Variants in FBXO25 observed in about 807,000 individuals in gnomAD.
FBXO25 encodes the protein F-box only protein 25.
Under a neutral mutation model 51.9 loss-of-function variants are expected in FBXO25, and 45 were observed. The observed-to-expected ratio is 0.87, with a 90% CI of 0.68 to 1.11. FBXO25 has a LOEUF of 1.11. Among genes scored for constraint, FBXO25 ranks in the 50% most tolerant of loss-of-function variants. The pLI is 0.00. For synonymous variants in FBXO25, 199 were observed against 151.0 expected, an observed-to-expected ratio of 1.32 and a Z score of -2.33; for missense variants, 507 against 428.5, an observed-to-expected ratio of 1.18 and a Z score of -1.62.
In FBXO25 at chr8:477,894, T is replaced by A. The variant is rs987890340; in HGVS notation, c.*9090T>A. On this transcript the variant is annotated 3_prime_UTR_variant, in exon 10 of 10. Transcript: ENST00000350302. ...ACAGCTGGTGGGCCCAATTTTGGCCTGTATTTCACTTGCCAACCTGATTTA... is the reference window on the plus strand; with the variant it reads ...ACAGCTGGTGGGCCCAATTTTGGCCAGTATTTCACTTGCCAACCTGATTTA... The A allele has an allele frequency of 2.0e-5, 3 of 152,240 alleles. No individual in the cohort carries two copies. Among genetic ancestry groups the A allele is most frequent in the African/African-American group, 7.2e-5 (3 of 41,474 alleles). The allele number at this position is 152,240 out of a possible 1,614,324, so 9.4% of individuals were successfully genotyped here.
intron 7 of FBXO25, 43 bp from the exon 8 acceptor site, chr8:458,326 T>C (rs866424318): frequency 4.4e-6 from 7 of 1,592,152 alleles, no homozygotes; most frequent in Middle Eastern, 3.9e-4. Flanking sequence ...TGAACAAACA[T>C]TGGCCATCTT....
intron 8 of FBXO25, among the ~76,000 whole-genome samples, chr8:460,846 C>CT (rs1397407033): frequency 6.6e-6 from 1 of 152,164 alleles, no homozygotes; most frequent in Non-Finnish European, 1.5e-5. Context: ...AAGTAGTCTT[C>CT]TTTTCAAATT....
chr8:442,308 T>C (rs1357291393), intron 5 of FBXO25, among the ~76,000 whole-genome samples: 2 of 151,938 alleles, frequency 1.3e-5, no homozygotes, highest in African/African-American at 4.8e-5. Context: ...TTTACCACAG[T>C]TAAACTCCTT....
At chr8:464,831 T>C (rs1030922980) in intron 9 of FBXO25, among the ~76,000 whole-genome samples, 1 of 152,240 alleles carries the variant, frequency 6.6e-6, no homozygotes, top group African/African-American at 2.4e-5. Flanking sequence ...TATTGTTTTA[T>C]ATTTTGGTAT....
Position 474,417 on chromosome 8 carries a change from G to C in FBXO25, c.*5613G>C, listed in dbSNP as rs1014040416. ...CGTAAACATGGGTGTGCAAATATCT[G>C]AGTCTCTGCTTTCAATCATATGGCA... On this transcript the variant is annotated 3_prime_UTR_variant, in exon 10 of 10. Coordinates refer to ENST00000350302, the MANE Select transcript of FBXO25 (RefSeq NM_183420.2). 6.3e-5 allele frequency: 18 copies of C among 286,906 alleles called. No homozygotes were observed. In the East Asian group the frequency reaches 1.9e-3, roughly 30 times the overall value. 17.8% of individuals were successfully genotyped at this position (286,906 alleles called of 1,614,324 possible). A position where few individuals can be genotyped will look rare whatever the true frequency, so the allele number is the denominator to read the frequency against.
chr8:466,848 T>A, intron 9 of FBXO25, among the ~76,000 whole-genome samples: 1 of 152,202 alleles, frequency 6.6e-6, no homozygotes, highest in East Asian at 1.9e-4. Flanking sequence ...CTGACTTCGA[T>A]GGCCCTGCGA....
intron 5 of FBXO25, among the ~76,000 whole-genome samples, chr8:439,387 A>G (rs891135587): frequency 1.3e-5 from 2 of 152,206 alleles, no homozygotes; most frequent in Admixed American, 6.5e-5. Context: ...AATGTTAAAT[A>G]TGCTCTGTTT....
chr8:468,028 C>A (rs896645308), intron 9 of FBXO25: 4 of 1,293,772 alleles, frequency 3.1e-6, no homozygotes, highest in Non-Finnish European at 3.9e-6. Flanking sequence ...TTTGGCAGCA[C>A]TGCCAGGGCA....
At chr8:408,661 G>C (rs1032635494) in intron 1 of FBXO25, among the ~76,000 whole-genome samples, 1 of 152,216 alleles carries the variant, frequency 6.6e-6, no homozygotes, top group African/African-American at 2.4e-5. Context: ...TATGCTTGTT[G>C]AAGGAAAGAC....
chr8:467,433 A>C (rs1800245151), intron 9 of FBXO25, among the ~76,000 whole-genome samples: 1 of 152,254 alleles, frequency 6.6e-6, no homozygotes, highest in Admixed American at 6.5e-5. Context: ...TTAGCACTGC[A>C]GCCTCATTAG....
At position 469,019 on chromosome 8, in the gene FBXO25, C is replaced by G; in HGVS notation, c.*215C>G. The G allele has an allele frequency of 3.7e-6, 2 of 540,120 alleles. No homozygotes were observed. Among genetic ancestry groups the G allele is most frequent in the Non-Finnish European group, 3.3e-6 (1 of 306,414 alleles). The allele number at this position is 540,120 out of a possible 1,614,324, so 33.5% of individuals were successfully genotyped here. A position where few individuals can be genotyped will look rare whatever the true frequency, so the allele number is the denominator to read the frequency against. Reference sequence around the variant, plus strand: ...GAAATCATTTCTACTTCTTTAAAAACTCCTTCTAAGCATATTAAAATGTGA... The same window carrying G: ...GAAATCATTTCTACTTCTTTAAAAAGTCCTTCTAAGCATATTAAAATGTGA... On this transcript the variant is annotated 3_prime_UTR_variant, in exon 10 of 10. Transcript: ENST00000350302.
At chr8:434,074 G>C (rs1300759276) in intron 4 of FBXO25, among the ~76,000 whole-genome samples, 6 of 152,222 alleles carry the variant, frequency 3.9e-5, no homozygotes, top group Admixed American at 6.5e-5. Context: ...TTGTGAGGCT[G>C]TGGGGATGCT....
chr8:408,044 C>T (rs1354353221), intron 1 of FBXO25, among the ~76,000 whole-genome samples: 1 of 152,190 alleles, frequency 6.6e-6, no homozygotes, highest in Non-Finnish European at 1.5e-5. Flanking sequence ...CTGTTTTCTC[C>T]TCGTCTTTAC....
rs901960053 is a variant in FBXO25 at position 437,585 on chromosome 8, A to T, written c.381+1878A>T. On this transcript the variant is annotated intron_variant, in intron 5 of 9. Coordinates refer to ENST00000350302, the MANE Select transcript of FBXO25 (RefSeq NM_183420.2). ...GATTTGCTCATGCTTACCTTCTGCTAAAAACAAAAACAAGAAGCAGCCTTT... is the reference window on the plus strand; with the variant it reads ...GATTTGCTCATGCTTACCTTCTGCTTAAAACAAAAACAAGAAGCAGCCTTT... Among the ~76,000 whole-genome samples, 6 of 152,214 alleles carry T rather than the reference A, an allele frequency of 3.9e-5. 1 individual carries two copies. The highest frequency in any genetic ancestry group is 1.4e-4 in the African/African-American group (6 of 41,452).
At chr8:437,669 C>T (rs1247079834) in intron 5 of FBXO25, among the ~76,000 whole-genome samples, 2 of 152,176 alleles carry the variant, frequency 1.3e-5, no homozygotes, top group African/African-American at 4.8e-5. Context: ...TCCATGTCCC[C>T]ATCCCAATTC....
At chr8:407,449 T>C in intron 1 of FBXO25, 2 of 982,592 alleles carry the variant, frequency 2.0e-6, no homozygotes, top group Non-Finnish European at 2.4e-6. Context: ...GTGTGGAGGG[T>C]TCATTCAGGG....
At chr8:407,992 C>T (rs1185958991) in intron 1 of FBXO25, among the ~76,000 whole-genome samples, 4 of 152,204 alleles carry the variant, frequency 2.6e-5, no homozygotes, top group African/African-American at 9.6e-5. Context: ...CAAATCCTTA[C>T]CATCCGGCCC....
chr8:424,109 C>T lies in FBXO25; in HGVS notation c.135-7232C>T, dbSNP rs368722949. Among the ~76,000 whole-genome samples, 3 of 147,888 alleles carry T rather than the reference C, an allele frequency of 2.0e-5. No homozygotes were observed. In the East Asian group the frequency reaches 5.9e-4, roughly 29 times the overall value. Reference sequence around the variant, plus strand: ...TTGTTTGAGAAGTGCCTGTTCATGTCCTTTGCCCATTTTTTTTTTTTTTTT... The same window carrying T: ...TTGTTTGAGAAGTGCCTGTTCATGTTCTTTGCCCATTTTTTTTTTTTTTTT... On this transcript the variant is annotated intron_variant, in intron 2 of 9. Coordinates refer to ENST00000350302, the MANE Select transcript of FBXO25 (RefSeq NM_183420.2).
At chr8:431,211 A>C (rs9644342) in intron 2 of FBXO25, 130 bp from the exon 3 acceptor site, 11,540 of 537,244 alleles carry the variant, frequency 0.021, 318 homozygotes, top group East Asian at 0.11. Context: ...ACAAAAATGT[A>C]TTAGACATTA....
Sources: gnomAD v4.1 joint callset for allele counts (sites outside exome capture counted in the v4.1 genomes callset) on GRCh38, gnomAD v4.1.1 for gene constraint, MANE v1.5 for transcripts, NCBI Gene and HGNC (gene_info 2026-07-23, HGNC 2026-07-21) for gene names.